Variants in FGF14 observed in about 807,000 individuals in gnomAD.
FGF14 encodes fibroblast growth factor 14, also known as fibroblast growth factor homologous factor 4.
FGF14 carries 5 observed loss-of-function variants against 25.5 expected under a neutral mutation model. That is an observed-to-expected ratio of 0.20 (90% CI 0.10 to 0.41). The LOEUF (loss-of-function observed/expected upper bound fraction) is 0.41. Among genes scored for constraint, FGF14 ranks in the 10% least tolerant of loss-of-function variants. The probability of loss-of-function intolerance (pLI) is 1.00; values close to 1 mark genes in which losing one functional copy is unlikely to be tolerated. For synonymous variants in FGF14, 138 were observed against 118.3 expected, an observed-to-expected ratio of 1.17 and a Z score of -1.08; for missense variants, 222 against 320.1, an observed-to-expected ratio of 0.69 and a Z score of 2.34.
chr13:101,948,890 GT>G (rs545041862), intron 1 of FGF14, among the ~76,000 whole-genome samples: 12 of 151,322 alleles, frequency 7.9e-5, no homozygotes, highest in South Asian at 4.2e-4. Context: ...TTTTGCAAAA[GT>G]TTTTTTTTCT....
rs192061425 is a variant in FGF14 at position 102,148,115 on chromosome 13, C to T, written c.208+253356G>A. On this transcript the variant is annotated intron_variant, in intron 1 of 4. Coordinates refer to the FGF14 transcript ENST00000376131. ...GATAATGTGTCAACGGTCCCTGCAT[C>T]GAAAATGAAAGTTTCATCCTACATG... Among the ~76,000 whole-genome samples, 7 of 152,110 alleles carry T rather than the reference C, an allele frequency of 4.6e-5. No individual in the cohort carries two copies. In the East Asian group the frequency reaches 5.8e-4, roughly 13 times the overall value.
intron 1 of FGF14, among the ~76,000 whole-genome samples, chr13:101,933,058 T>C (rs912156): frequency 0.022 from 3,403 of 152,316 alleles, 119 homozygotes; most frequent in African/African-American, 0.078. Flanking sequence ...ATCTCCATCT[T>C]TCTTACTTGA....
intron 1 of FGF14, among the ~76,000 whole-genome samples, chr13:101,939,002 T>C (rs554438903): frequency 2.0e-5 from 3 of 152,118 alleles, no homozygotes; most frequent in Non-Finnish European, 2.9e-5. Context: ...GTGCTAAACA[T>C]TGTACATCAT....
intron 1 of FGF14, among the ~76,000 whole-genome samples, chr13:101,950,543 G>C (rs1016155208): frequency 1.3e-5 from 2 of 152,206 alleles, no homozygotes; most frequent in Non-Finnish European, 1.5e-5. Flanking sequence ...ATTAAAATTT[G>C]CATAACTGTC....
intron 3 of FGF14, among the ~76,000 whole-genome samples, chr13:101,817,643 T>C (rs948117444): frequency 1.3e-5 from 2 of 152,210 alleles, no homozygotes; most frequent in Admixed American, 1.3e-4. Flanking sequence ...TGGTGAAAAG[T>C]TGGAGAAATA....
At chr13:102,217,103 T>A (rs955747975) in intron 1 of FGF14, among the ~76,000 whole-genome samples, 1 of 152,224 alleles carries the variant, frequency 6.6e-6, no homozygotes, top group Non-Finnish European at 1.5e-5. Context: ...TGAATAGGGC[T>A]ACAATAAACA....
At chr13:102,152,547 C>T (rs1250716631) in intron 1 of FGF14, among the ~76,000 whole-genome samples, 2 of 152,082 alleles carry the variant, frequency 1.3e-5, no homozygotes, top group African/African-American at 2.4e-5. Context: ...TACCTATCTC[C>T]GAATACAGTT....
chr13:102,173,055 A>G (rs1215877956), intron 1 of FGF14, among the ~76,000 whole-genome samples: 1 of 152,210 alleles, frequency 6.6e-6, no homozygotes, highest in African/African-American at 2.4e-5. Context: ...AAAAGGTAAC[A>G]TATGAAACTG....
At chr13:102,014,588 T>TAC (rs1426398551) in intron 1 of FGF14, among the ~76,000 whole-genome samples, 4 of 152,164 alleles carry the variant, frequency 2.6e-5, no homozygotes, top group Non-Finnish European at 4.4e-5. Flanking sequence ...AATCAAGAGT[T>TAC]ACATTCAACT....
chr13:101,822,494 C>CAAA (rs34333597), intron 3 of FGF14, among the ~76,000 whole-genome samples: 4 of 143,816 alleles, frequency 2.8e-5, no homozygotes, highest in African/African-American at 7.7e-5. Context: ...AAATTTCTAC[C>CAAA]AAAAAAAAAA....
intron 1 of FGF14, among the ~76,000 whole-genome samples, chr13:101,941,614 G>A (rs954023609): frequency 1.3e-5 from 2 of 152,158 alleles, no homozygotes; most frequent in Admixed American, 6.5e-5. Flanking sequence ...CTTTTCTAAA[G>A]CACACAGAAA....
At chr13:102,066,658 G>A (rs1566641468) in intron 1 of FGF14, among the ~76,000 whole-genome samples, 1 of 152,120 alleles carries the variant, frequency 6.6e-6, no homozygotes, top group African/African-American at 2.4e-5. Context: ...TTTTAACAAG[G>A]AAGTATTTCT....
At position 102,329,756 on chromosome 13, in the gene FGF14, G is replaced by T. The variant is rs147392741; in HGVS notation, c.208+71715C>A. ...ACCCCTGCTCAGATCAACACCTCCT[G>T]TTTTCCACCTTACTCCTTTAATCTT... is the stretch of plus-strand genomic sequence containing the variant. On this transcript the variant is annotated intron_variant, in intron 1 of 4. Transcript: ENST00000376131. 2.6e-4 allele frequency among the ~76,000 whole-genome samples: 40 copies of T among 152,072 alleles called. No homozygotes were observed. In the East Asian group the frequency reaches 7.4e-3, roughly 28 times the overall value.
At chr13:102,323,381 C>T (rs2056314444) in intron 1 of FGF14, among the ~76,000 whole-genome samples, 1 of 152,078 alleles carries the variant, frequency 6.6e-6, no homozygotes, top group African/African-American at 2.4e-5. Flanking sequence ...TATTTCATTT[C>T]CTGTCTTTGT....
intron 1 of FGF14, among the ~76,000 whole-genome samples, chr13:102,258,222 G>A (rs916913782): frequency 6.6e-6 from 1 of 152,100 alleles, no homozygotes; most frequent in African/African-American, 2.4e-5. Flanking sequence ...TAACACGTGG[G>A]AATTATGGGA....
At chr13:102,346,370 G>T (rs2057105778) in intron 1 of FGF14, among the ~76,000 whole-genome samples, 1 of 151,864 alleles carries the variant, frequency 6.6e-6, no homozygotes, top group Non-Finnish European at 1.5e-5. Context: ...CTATATAATT[G>T]AAGTTTAGAA....
At chr13:102,212,412 T>TC in intron 1 of FGF14, among the ~76,000 whole-genome samples, 1 of 152,150 alleles carries the variant, frequency 6.6e-6, no homozygotes, top group South Asian at 2.1e-4. Flanking sequence ...TGAACCTGAA[T>TC]CCCCCTGACC....
intron 1 of FGF14, among the ~76,000 whole-genome samples, chr13:102,166,902 T>G (rs1009519564): frequency 5.3e-5 from 8 of 152,136 alleles, no homozygotes; most frequent in Admixed American, 5.2e-4. Flanking sequence ...CTGTTTTCAG[T>G]GACTTTATAG....
At chr13:101,944,293 A>AT (rs1404121041) in intron 1 of FGF14, among the ~76,000 whole-genome samples, 1 of 152,118 alleles carries the variant, frequency 6.6e-6, no homozygotes, top group Non-Finnish European at 1.5e-5. Flanking sequence ...TATCATTGTA[A>AT]TGTTTGTCAC....
Sources: gnomAD v4.1 joint callset for allele counts (sites outside exome capture counted in the v4.1 genomes callset) on GRCh38, gnomAD v4.1.1 for gene constraint, MANE v1.5 for transcripts, NCBI Gene and HGNC (gene_info 2026-07-23, HGNC 2026-07-21) for gene names.